The following KLHL33 variants were observed in gnomAD, a reference collection of about 807,000 sequenced individuals.
The protein encoded by KLHL33 is kelch like family member 33.
In KLHL33, 46 loss-of-function variants were observed where a neutral mutation model predicts 60.8. The observed-to-expected ratio is 0.76, with a 90% confidence interval of 0.60 to 0.97. The LOEUF is 0.97. Among genes scored for constraint, KLHL33 ranks in the 50% least tolerant of loss-of-function variants. The pLI is 0.00. For synonymous variants in KLHL33, 434 were observed against 432.2 expected (o/e 1.00, Z -0.05); for missense variants, 1,055 against 1,000.0 (o/e 1.05, Z -0.74).
Position 20,430,241 on chromosome 14 carries a change from A to C in KLHL33, c.1227T>G (p.Ala409=), listed in dbSNP as rs1409542316. The C allele has an allele frequency of 6.4e-7, 1 of 1,551,608 alleles. No homozygotes were observed. Among genetic ancestry groups the C allele is most frequent in the Admixed American group, 2.0e-5 (1 of 51,012 alleles). ...EAFVAARCWL[A]ANPETQESEA... ...CTGACTCCTGGGTCTCGGGGTTGGCAGCCAGCCAACACCGTGCAGCCACAA... is the reference window on the plus strand; with the variant it reads ...CTGACTCCTGGGTCTCGGGGTTGGCCGCCAGCCAACACCGTGCAGCCACAA... Residue 409 remains alanine, a synonymous_variant, in exon 3 of 5, where the codon GCT becomes GCG. Transcript: ENST00000636854.
chr14:20,432,952 AAG>A (rs1880561801), intron 2 of KLHL33, among the ~76,000 whole-genome samples: 2 of 151,356 alleles, frequency 1.3e-5, no homozygotes, highest in African/African-American at 2.4e-5. Flanking sequence ...GAAAGAAAGA[AAG>A]AAAGAAAGAA....
chr14:20,432,304 G>A (rs1880531838), intron 2 of KLHL33, among the ~76,000 whole-genome samples: 1 of 151,896 alleles, frequency 6.6e-6, no homozygotes, highest in African/African-American at 2.4e-5. Context: ...TAGTAGAGAC[G>A]GTTTCGCCAT....
Position 20,430,363 on chromosome 14 carries a change from C to G in KLHL33, c.1105G>C (p.Val369Leu), listed in dbSNP as rs551271666. 3.8e-4 allele frequency: 582 copies of G among 1,551,924 alleles called. No individual in the cohort carries two copies. The highest frequency in any genetic ancestry group is 4.9e-4 in the Non-Finnish European group (557 of 1,147,046). ...RHYLLTHLPA[V>L]ALCPAFPSLP... ...GAAGGGAAAGCAGGACACAAGGCTA[C>G]AGCAGGCAGGTGGGTGAGGAGGTAG... The change falls in exon 3 of 5, where the codon GTA becomes CTA. Residue 369 changes from valine to leucine, a missense_variant. Val to Leu is a conservative substitution (Grantham distance 32). Coordinates refer to ENST00000636854, the MANE Select transcript of KLHL33 (RefSeq NM_001365790.2).
rs1880392325 is a variant in KLHL33 at position 20,429,086 on chromosome 14, A to G, written c.2157T>C (p.His719=). 3 of 1,551,512 alleles carry G rather than the reference A, an allele frequency of 1.9e-6. No homozygotes were observed. Among genetic ancestry groups the G allele is most frequent in the Non-Finnish European group, 2.6e-6 (3 of 1,146,936 alleles). ...WTHLAPLPSP[H]VGAASAVLQG... Reference sequence around the variant, plus strand: ...GCAGCACAGCACTTGCAGCCCCCACATGGGGGGAGGGTAGGGGTGCCAGGT... The same window carrying G: ...GCAGCACAGCACTTGCAGCCCCCACGTGGGGGGAGGGTAGGGGTGCCAGGT... The change falls in exon 5 of 5, where the codon CAT becomes CAC. Residue 719 remains histidine (H), a synonymous_variant. Coordinates refer to ENST00000636854, the MANE Select transcript of KLHL33 (RefSeq NM_001365790.2).
In KLHL33 at chr14:20,428,051, G is replaced by C. The variant is rs12881793; in HGVS notation, c.*798C>G. 73,826 of 152,244 alleles carry C rather than the reference G, an allele frequency of 0.48. 20,108 individuals are homozygous for C. Among genetic ancestry groups the C allele is most frequent in the African/African-American group, 0.73 (30,222 of 41,526 alleles). 9.4% of individuals were successfully genotyped at this position (152,244 alleles called of 1,614,324 possible). A position where few individuals can be genotyped will look rare whatever the true frequency, so the allele number is the denominator to read the frequency against. ...CCTCAGTTTGCCCAAAAGAAAGAAG[G>C]CACACAGGCTTCTGACTTCTTCCAC... On this transcript the variant is annotated 3_prime_UTR_variant, in exon 5 of 5. Coordinates refer to ENST00000636854, the MANE Select transcript of KLHL33 (RefSeq NM_001365790.2).
chr14:20,428,920 T>C lies in KLHL33; in HGVS notation c.2323A>G (p.Ile775Val). The C allele has an allele frequency of 6.4e-7, 1 of 1,551,688 alleles. No homozygotes were observed. The highest frequency in any genetic ancestry group is 8.7e-7 in the Non-Finnish European group (1 of 1,146,968). Residue 775 changes from isoleucine (I) to valine (V), a missense_variant, in exon 5 of 5, where the codon ATC becomes GTC. By Grantham distance (29) the Ile-to-Val change is conservative. Coordinates refer to ENST00000636854, the MANE Select transcript of KLHL33 (RefSeq NM_001365790.2). ...TGCTGCACAGCGGGCAGTGTCAGGATGCAGGCAGGCATCTCAGCCCGAGGC... is the reference window on the plus strand; with the variant it reads ...TGCTGCACAGCGGGCAGTGTCAGGACGCAGGCAGGCATCTCAGCCCGAGGC... ...PRPRAEMPAC[I>V]LTLPAVQHIA...
chr14:20,430,365 G>T lies in KLHL33; in HGVS notation c.1103C>A (p.Ala368Asp). 1 of 1,551,898 alleles carries T rather than the reference G, an allele frequency of 6.4e-7. No homozygotes were observed. Among genetic ancestry groups the T allele is most frequent in the Non-Finnish European group, 8.7e-7 (1 of 1,147,038 alleles). Residue 368 changes from alanine to aspartate, a missense_variant, in exon 3 of 5, where the codon GCT becomes GAT. By Grantham distance (126) the Ala-to-Asp change is moderately radical (BLOSUM62 -2). Coordinates refer to ENST00000636854, the MANE Select transcript of KLHL33 (RefSeq NM_001365790.2). ...AGGGAAAGCAGGACACAAGGCTACA[G>T]CAGGCAGGTGGGTGAGGAGGTAGTG... The part of the protein sequence containing the change: ...ARHYLLTHLP[A>D]VALCPAFPSL...
In KLHL33 at chr14:20,430,684, A is replaced by C; in HGVS notation, c.784T>G (p.Phe262Val). ...RAALACGSEFFGAMLLSGMRE... is the reference protein window; with the variant it reads ...RAALACGSEFVGAMLLSGMRE... ...ATCCCGCTCAGGAGCATGGCCCCAA[A>C]GAACTCACTGCCACAGGCCAGGGCG... Residue 262 changes from phenylalanine to valine, a missense_variant, in exon 3 of 5, where the codon TTT becomes GTT. Physicochemically the swap from Phe to Val is conservative, Grantham distance 50. Coordinates refer to ENST00000636854, the MANE Select transcript of KLHL33 (RefSeq NM_001365790.2). 23 of 1,532,372 alleles carry C rather than the reference A, an allele frequency of 1.5e-5. No individual in the cohort carries two copies. Among genetic ancestry groups the C allele is most frequent in the Non-Finnish European group, 2.0e-5 (23 of 1,145,050 alleles). The allele number at this position is 1,532,372 out of a possible 1,614,324, so 94.9% of individuals were successfully genotyped here.
rs1880350786 is a variant in KLHL33, at chr14:20,428,150, T to A, written c.*699A>T. On this transcript the variant is annotated 3_prime_UTR_variant, in exon 5 of 5. Coordinates refer to ENST00000636854, the MANE Select transcript of KLHL33 (RefSeq NM_001365790.2). Reference sequence around the variant, plus strand: ...CCCTCCTTGGCCTCTGCCCCCATCATCTTTCCCACACAACACTCCTGCCAC... The same window carrying A: ...CCCTCCTTGGCCTCTGCCCCCATCAACTTTCCCACACAACACTCCTGCCAC... The A allele has an allele frequency of 6.6e-6, 1 of 152,506 alleles. No individual in the cohort carries two copies. The highest frequency in any genetic ancestry group is 6.5e-5 in the Admixed American group (1 of 15,292). 9.4% of individuals were successfully genotyped at this position (152,506 alleles called of 1,614,324 possible).
Position 20,435,240 on chromosome 14 carries a change from G to A in KLHL33, c.572C>T (p.Pro191Leu). The A allele has an allele frequency of 8.1e-7, 1 of 1,234,390 alleles. No individual in the cohort carries two copies. 76.5% of individuals were successfully genotyped at this position (1,234,390 alleles called of 1,614,324 possible). ...VLAAAEALGA[P>L]RVKAAAQQTC... ...CTGCTGGGCAGCAGCCTTCACCCGG[G>A]GCGCTCCCAGCGCCTCTGCTGCGGC... Residue 191 changes from proline (P) to leucine (L), a missense_variant, in exon 2 of 5, where the codon CCC (proline) becomes CTC (leucine). Pro to Leu is a moderately conservative substitution (Grantham distance 98). Coordinates refer to ENST00000636854, the MANE Select transcript of KLHL33 (RefSeq NM_001365790.2).
chr14:20,435,683 C>T lies in KLHL33; in HGVS notation c.129G>A (p.Glu43=). The part of the protein sequence containing the change: ...RTPSWPPSPD[E]DPRLPSFPLE... ...GAGGAAAGGAAGGCAATCTGGGATCCTCGTCGGGGGAGGGAGGCCAGGAAG... is the reference window on the plus strand; with the variant it reads ...GAGGAAAGGAAGGCAATCTGGGATCTTCGTCGGGGGAGGGAGGCCAGGAAG... Residue 43 remains glutamate, a synonymous_variant, in exon 2 of 5, where the codon GAG becomes GAA. Coordinates refer to ENST00000636854, the MANE Select transcript of KLHL33 (RefSeq NM_001365790.2). 8.1e-7 allele frequency: 1 copy of T among 1,234,916 alleles called. No homozygotes were observed. The highest frequency in any genetic ancestry group is 1.0e-6 in the Non-Finnish European group (1 of 988,564). The allele number at this position is 1,234,916 out of a possible 1,614,324, so 76.5% of individuals were successfully genotyped here.
intron 2 of KLHL33, among the ~76,000 whole-genome samples, chr14:20,432,985 A>AGAAAGAAAGAAAGAAAGAAAGAAG (rs1555330536): frequency 2.0e-5 from 3 of 151,822 alleles, no homozygotes; most frequent in African/African-American, 7.3e-5. Context: ...AAAGAAAGAA[A>AGAAAGAAAGAAAGAAAGAAAGAAG]GAGAGAAATT....
At chr14:20,435,924 C>G in intron 1 of KLHL33, 94 bp from the exon 2 acceptor site, 1 of 900,718 alleles carries the variant, frequency 1.1e-6, no homozygotes, top group Non-Finnish European at 1.5e-6. Flanking sequence ...ATGTCAGTCT[C>G]TCCCCTGCTC....
chr14:20,429,715 C>T lies in KLHL33; in HGVS notation c.1674-46G>A, dbSNP rs1271819704. On this transcript the variant is annotated intron_variant, in intron 3 of 4. Transcript: ENST00000636854. ...GATTGGAAGAGGGACTCTGGGCATC[C>T]GTGGTTGGCTAGGCCAGCAATTTCT... 54 of 1,537,974 alleles carry T rather than the reference C, an allele frequency of 3.5e-5. 1 individual carries two copies. The highest frequency in any genetic ancestry group is 4.0e-5 in the Non-Finnish European group (46 of 1,139,842).
chr14:20,435,866 G>C (rs142556822), intron 1 of KLHL33, 36 bp from the exon 2 acceptor site: 3 of 1,231,084 alleles, frequency 2.4e-6, no homozygotes, highest in Non-Finnish European at 3.0e-6. Context: ...CCTGGCGTCA[G>C]AGCTGGGCCC....
chr14:20,430,430 C>G lies in KLHL33; in HGVS notation c.1038G>C (p.Ala346=), dbSNP rs1038121405. Residue 346 remains alanine, a synonymous_variant, in exon 3 of 5, where the codon GCG becomes GCC. Transcript: ENST00000636854. Reference sequence around the variant, plus strand: ...AGAGCCTCTCCAACCCAGGGGCTTCCGCCATGGGGAACAGGGCCAGGCAAC... The same window carrying G: ...AGAGCCTCTCCAACCCAGGGGCTTCGGCCATGGGGAACAGGGCCAGGCAAC... The part of the protein sequence containing the change: ...PARCLALFPM[A]EAPGLERLWS... 1 of 1,551,612 alleles carries G rather than the reference C, an allele frequency of 6.4e-7. No individual in the cohort carries two copies. The highest frequency in any genetic ancestry group is 2.4e-5 in the East Asian group (1 of 40,934).
rs1225977205 is a variant in KLHL33 at position 20,428,877 on chromosome 14, G to A, written c.2366C>T (p.Thr789Ile). The A allele has an allele frequency of 6.4e-7, 1 of 1,551,342 alleles. No homozygotes were observed. The highest frequency in any genetic ancestry group is 1.4e-5 in the African/African-American group (1 of 73,042). The stretch of plus-strand genomic sequence containing the variant: ...CCCAGCAGGTTTGGTTTGGTGTGGG[G>A]TGGGAACCAAAGCTATGTGCTGCAC... ...PAVQHIALVP[T>I]PHQTKPAG The change falls in exon 5 of 5, where the codon ACC becomes ATC. Residue 789 changes from threonine to isoleucine, a missense_variant. By Grantham distance (89) the Thr-to-Ile change is moderately conservative (BLOSUM62 -1). Transcript: ENST00000636854.
chr14:20,428,613 G>A lies in KLHL33; in HGVS notation c.*236C>T, dbSNP rs908408694. The A allele has an allele frequency of 2.0e-6, 1 of 508,468 alleles. No individual in the cohort carries two copies. Among genetic ancestry groups the A allele is most frequent in the African/African-American group, 1.9e-5 (1 of 52,518 alleles). The allele number at this position is 508,468 out of a possible 1,614,324, so 31.5% of individuals were successfully genotyped here. On this transcript the variant is annotated 3_prime_UTR_variant, in exon 5 of 5. Transcript: ENST00000636854. ...CTAAGCCTTGTGGAGTTGCTCCCGA[G>A]TCTCCTTTCCTCACCTGGGTATTCA...
In KLHL33 at chr14:20,435,243, G is replaced by C; in HGVS notation, c.569C>G (p.Ala190Gly). 1.6e-6 allele frequency: 2 copies of C among 1,234,354 alleles called. No homozygotes were observed. Among genetic ancestry groups the C allele is most frequent in the Non-Finnish European group, 2.0e-6 (2 of 988,186 alleles). 76.5% of individuals were successfully genotyped at this position (1,234,354 alleles called of 1,614,324 possible). Residue 190 changes from alanine (A) to glycine (G), a missense_variant, in exon 2 of 5, where the codon GCG becomes GGG. Ala to Gly is a moderately conservative substitution (Grantham distance 60). Coordinates refer to ENST00000636854, the MANE Select transcript of KLHL33 (RefSeq NM_001365790.2). ...DVLAAAEALG[A>G]PRVKAAAQQT... is the part of the protein sequence containing the mutation. ...CTGGGCAGCAGCCTTCACCCGGGGCGCTCCCAGCGCCTCTGCTGCGGCCAG... is the reference window on the plus strand; with the variant it reads ...CTGGGCAGCAGCCTTCACCCGGGGCCCTCCCAGCGCCTCTGCTGCGGCCAG...
Sources: allele counts gnomAD v4.1 joint callset (sites outside exome capture counted in the v4.1 genomes callset), GRCh38; gene constraint gnomAD v4.1.1; transcripts MANE v1.5; gene names NCBI Gene and HGNC (gene_info 2026-07-23, HGNC 2026-07-21).